The following ZNF69 variants were observed in gnomAD, a reference collection of about 807,000 sequenced individuals.
The protein encoded by ZNF69 is ZNF3.
Under a neutral mutation model 50.9 loss-of-function variants are expected in ZNF69, and 47 were observed. That is an observed-to-expected ratio of 0.92 (90% CI 0.73 to 1.18). The LOEUF (loss-of-function observed/expected upper bound fraction) is 1.18, where lower values mean the gene tolerates loss of function less well. ZNF69 is among the 50% of genes most tolerant of loss of function. The pLI, the probability that ZNF69 is intolerant of heterozygous loss-of-function variation, is 0.00. For missense variants in ZNF69, 717 were observed against 675.1 expected (o/e 1.06, Z -0.69); for synonymous variants, 216 against 223.1 (o/e 0.97, Z 0.29).
the ZNF69 span, among the ~76,000 whole-genome samples, chr19:11,964,119 G>A: frequency 6.6e-6 from 1 of 152,168 alleles, no homozygotes; most frequent in East Asian, 1.9e-4. Context: ...ATCCTGCAAA[G>A]GAAGAGAAAG....
chr19:11,894,814 G>A (rs1398302335), intron 1 of ZNF69, among the ~76,000 whole-genome samples: 2 of 152,184 alleles, frequency 1.3e-5, no homozygotes, highest in South Asian at 4.1e-4. Flanking sequence ...CAGTTGGATG[G>A]TGCTATTGAG....
chr19:11,937,419 CT>C, the ZNF69 span, among the ~76,000 whole-genome samples: 1 of 151,928 alleles, frequency 6.6e-6, no homozygotes, highest in Non-Finnish European at 1.5e-5. Flanking sequence ...CTCAAATGAC[CT>C]GTCTGCCTTG....
At chr19:11,920,141 G>C in the ZNF69 span, among the ~76,000 whole-genome samples, 1 of 137,934 alleles carries the variant, frequency 7.2e-6, no homozygotes, top group Non-Finnish European at 1.5e-5. Flanking sequence ...GATGGAGTTT[G>C]TGCTCTGTTG....
At chr19:11,924,884 C>T in the ZNF69 span, among the ~76,000 whole-genome samples, 1 of 152,214 alleles carries the variant, frequency 6.6e-6, no homozygotes, top group Non-Finnish European at 1.5e-5. Flanking sequence ...CTATCAATAG[C>T]AAGTTTGGCT....
At chr19:11,923,436 C>G in the ZNF69 span, among the ~76,000 whole-genome samples, 1 of 152,342 alleles carries the variant, frequency 6.6e-6, no homozygotes, top group Admixed American at 6.5e-5. Context: ...ACTCTCTCCT[C>G]CCTGAGTTTC....
the ZNF69 span, chr19:11,978,567 T>C: frequency 6.2e-7 from 1 of 1,614,210 alleles, no homozygotes; most frequent in Non-Finnish European, 8.5e-7. Context: ...TCTCAGATTA[T>C]ATCTTATCCA....
chr19:11,972,483 A>G, the ZNF69 span, among the ~76,000 whole-genome samples: 4 of 152,188 alleles, frequency 2.6e-5, no homozygotes, highest in Non-Finnish European at 4.4e-5. Flanking sequence ...GAATTGCACA[A>G]TGAATCCAAA....
At chr19:11,915,565 G>T (rs1972515015), downstream of ZNF69, among the ~76,000 whole-genome samples, 1 of 152,196 alleles carries the variant, frequency 6.6e-6, no homozygotes. Flanking sequence ...TTGGAAGTCA[G>T]TGACATTGGT....
chr19:11,893,984 A>G (rs1390960085), intron 1 of ZNF69, among the ~76,000 whole-genome samples: 2 of 152,240 alleles, frequency 1.3e-5, no homozygotes, highest in South Asian at 2.1e-4. Context: ...CCACTCCAAC[A>G]TAGTGGAGCA....
chr19:11,966,699 G>GT, the ZNF69 span, among the ~76,000 whole-genome samples: 9 of 152,128 alleles, frequency 5.9e-5, no homozygotes, highest in Non-Finnish European at 1.3e-4. Flanking sequence ...AAGTTTGCAG[G>GT]TTGAAGACTG....
At position 11,905,608 on chromosome 19, in the gene ZNF69, G is replaced by A. The variant is rs755565433; in HGVS notation, c.1211G>A (p.Arg404His). 2.0e-4 allele frequency: 317 copies of A among 1,613,768 alleles called. No individual in the cohort carries two copies. Among genetic ancestry groups the A allele is most frequent in the Middle Eastern group, 1.2e-3 (7 of 6,056 alleles). The change falls in exon 4 of 4, where the codon CGT (arginine) becomes CAT (histidine). Residue 404 changes from arginine to histidine, a missense_variant. Arg to His is a conservative substitution (Grantham distance 29, BLOSUM62 0). Transcript: ENST00000429654. ...GKAFIHSSSL[R>H]YHERIHTGEK... The stretch of plus-strand genomic sequence containing the variant: ...GCCTTCATTCATTCCAGTTCCCTTC[G>A]TTATCATGAAAGGATTCACACTGGA...
chr19:11,974,125 C>T, the ZNF69 span, among the ~76,000 whole-genome samples: 2,652 of 60,402 alleles, frequency 0.044, 36 homozygotes, highest in Admixed American at 0.057. Flanking sequence ...TTCTTTCTTT[C>T]TTTTCTTTCT....
chr19:11,977,935 T>G, the ZNF69 span, among the ~76,000 whole-genome samples: 1 of 149,968 alleles, frequency 6.7e-6, no homozygotes, highest in Non-Finnish European at 1.5e-5. Context: ...TATGAGTATT[T>G]TTTTAAACAA....
At chr19:11,978,325 A>G in the ZNF69 span, 4 of 1,614,232 alleles carry the variant, frequency 2.5e-6, no homozygotes, top group African/African-American at 5.3e-5. Context: ...CACAAGGCAT[A>G]CGAGTATCAG....
the ZNF69 span, chr19:11,953,379 GAC>G: frequency 1.3e-5 from 2 of 152,264 alleles, no homozygotes; most frequent in African/African-American, 2.4e-5. Context: ...AACCCAAAGA[GAC>G]ACTGGAGCAC....
chr19:11,948,958 G>T, the ZNF69 span: 11 of 1,608,162 alleles, frequency 6.8e-6, no homozygotes, highest in African/African-American at 1.5e-4. Context: ...CAAAGAATGT[G>T]GAAAAGCATT....
the ZNF69 span, among the ~76,000 whole-genome samples, chr19:11,945,626 G>GT: frequency 1.3e-5 from 2 of 152,176 alleles, no homozygotes; most frequent in East Asian, 3.9e-4. Flanking sequence ...GCCCTGGAGG[G>GT]TTGTCTTCTG....
the ZNF69 span, among the ~76,000 whole-genome samples, chr19:11,973,692 G>T: frequency 6.6e-6 from 1 of 151,948 alleles, no homozygotes; most frequent in African/African-American, 2.4e-5. Flanking sequence ...GACCAGCCTG[G>T]TAGATACAGT....
chr19:11,972,013 G>C, the ZNF69 span, among the ~76,000 whole-genome samples: 1 of 151,478 alleles, frequency 6.6e-6, no homozygotes, highest in Non-Finnish European at 1.5e-5. Context: ...AGTGAGCCAA[G>C]ATGGTGTCAT....
Sources: allele counts gnomAD v4.1 joint callset (sites outside exome capture counted in the v4.1 genomes callset), GRCh38; gene constraint gnomAD v4.1.1; transcripts MANE v1.5; gene names NCBI Gene and HGNC (gene_info 2026-07-23, HGNC 2026-07-21).